The following RIC1 variants were observed in gnomAD, a reference collection of about 807,000 sequenced individuals.
The protein encoded by RIC1 is guanine nucleotide exchange factor subunit RIC1.
In RIC1, 88 loss-of-function variants were observed where a neutral mutation model predicts 169.0. That is an observed-to-expected ratio of 0.52 (90% CI 0.44 to 0.62). RIC1 has a LOEUF of 0.62. Among genes scored for constraint, RIC1 ranks in the 20% least tolerant of loss-of-function variants. The pLI is 0.00. For synonymous variants in RIC1, 790 were observed against 601.5 expected, an observed-to-expected ratio of 1.31 and a Z score of -4.59; for missense variants, 1,877 against 1,725.5, an observed-to-expected ratio of 1.09 and a Z score of -1.56.
intron 23 of RIC1, among the ~76,000 whole-genome samples, chr9:5,771,424 T>G (rs2131147864): frequency 6.6e-6 from 1 of 152,328 alleles, no homozygotes; most frequent in South Asian, 2.1e-4. Context: ...TGTGTATTCT[T>G]CTGATGATGG....
In RIC1 at chr9:5,629,171, A is replaced by C. The variant is rs1164853006; in HGVS notation, c.-139A>C. On this transcript the variant is annotated 5_prime_UTR_variant, in exon 1 of 26. Transcript: ENST00000414202. ...AGCCTTGCGTCGGCCCGGCCCGGCCAGGCCAGCGGGCAGATGCCCCGAGCT... is the reference window on the plus strand; with the variant it reads ...AGCCTTGCGTCGGCCCGGCCCGGCCCGGCCAGCGGGCAGATGCCCCGAGCT... The C allele has an allele frequency of 5.0e-6, 4 of 804,524 alleles. No individual in the cohort carries two copies. Among genetic ancestry groups the C allele is most frequent in the East Asian group, 7.5e-5 (2 of 26,754 alleles). 49.8% of individuals were successfully genotyped at this position (804,524 alleles called of 1,614,324 possible).
intron 3 of RIC1, chr9:5,713,575 C>G (rs1039675865): frequency 4.7e-6 from 1 of 211,604 alleles, no homozygotes; most frequent in Non-Finnish European, 9.5e-6. Context: ...AGAAAGGGCC[C>G]TCAGGAATTT....
intron 17 of RIC1, among the ~76,000 whole-genome samples, chr9:5,761,146 C>G (rs1286638332): frequency 9.1e-6 from 1 of 110,424 alleles, no homozygotes; most frequent in East Asian, 3.2e-4. Flanking sequence ...CGGAGTCTTG[C>G]TCTGTCACCC....
intron 6 of RIC1, among the ~76,000 whole-genome samples, chr9:5,728,535 G>A (rs1173773615): frequency 5.3e-5 from 8 of 152,196 alleles, no homozygotes; most frequent in Non-Finnish European, 8.8e-5. Flanking sequence ...CACTCCATGG[G>A]CTGCACCCAC....
At chr9:5,633,108 T>C (rs945523790) in intron 1 of RIC1, among the ~76,000 whole-genome samples, 1 of 152,200 alleles carries the variant, frequency 6.6e-6, no homozygotes, top group African/African-American at 2.4e-5. Flanking sequence ...AAATAATTAC[T>C]AGGCTTATAA....
In RIC1 at chr9:5,745,938, G is replaced by A. The variant is rs1218525239; in HGVS notation, c.1103G>A (p.Gly368Asp). 12 of 1,612,778 alleles carry A rather than the reference G, an allele frequency of 7.4e-6. No homozygotes were observed. The highest frequency in any genetic ancestry group is 9.3e-6 in the Non-Finnish European group (11 of 1,179,118). The change falls in exon 11 of 26, where the codon GGT becomes GAT. Residue 368 changes from glycine (G) to aspartate (D), a missense_variant. By Grantham distance (94) the Gly-to-Asp change is moderately conservative (BLOSUM62 -1). Coordinates refer to ENST00000414202, the MANE Select transcript of RIC1 (RefSeq NM_020829.4). ...CCTCCTCTTCTCTCTAAGAGCTGGG[G>A]TGCAGAAGGCTATCACCTATGGGTA... The part of the protein sequence containing the change: ...DPLKINSMSW[G>D]AEGYHLWVIS...
At chr9:5,719,459 A>G (rs917565668) in intron 4 of RIC1, 1 of 152,192 alleles carries the variant, frequency 6.6e-6, no homozygotes, top group Non-Finnish European at 1.5e-5. Context: ...GACGGAGAAT[A>G]TTTTATTCAT....
intron 22 of RIC1, 141 bp downstream of exon 22, chr9:5,769,397 A>G (rs1373808458): frequency 1.3e-6 from 2 of 1,580,450 alleles, no homozygotes; most frequent in African/African-American, 2.7e-5. Flanking sequence ...TTTGTACATG[A>G]GTTGGAATGC....
At chr9:5,694,397 C>A (rs1821768580) in intron 3 of RIC1, among the ~76,000 whole-genome samples, 1 of 152,162 alleles carries the variant, frequency 6.6e-6, no homozygotes, top group South Asian at 2.1e-4. Flanking sequence ...CCTTGTTCTA[C>A]ATTCAGTTTA....
chr9:5,670,953 C>G lies in RIC1; in HGVS notation c.252+14263C>G, dbSNP rs529656568. Reference sequence around the variant, plus strand: ...TCCACTTCTGAGTAGGACCACAGGACCAGGACCAGTTGGTGGGTCCACGTG... The same window carrying G: ...TCCACTTCTGAGTAGGACCACAGGAGCAGGACCAGTTGGTGGGTCCACGTG... On this transcript the variant is annotated intron_variant, in intron 2 of 25. Coordinates refer to ENST00000414202, the MANE Select transcript of RIC1 (RefSeq NM_020829.4). 2.0e-4 allele frequency among the ~76,000 whole-genome samples: 31 copies of G among 152,186 alleles called. 1 individual carries two copies. The South Asian group carries it at 6.4e-3, about 32-fold the overall frequency.
intron 6 of RIC1, 42 bp from the exon 7 acceptor site, chr9:5,732,346 G>T (rs779871735): frequency 6.9e-7 from 1 of 1,452,150 alleles, no homozygotes; most frequent in Non-Finnish European, 9.6e-7. Flanking sequence ...GGTAAATTTG[G>T]AGAAACACTT....
At chr9:5,713,614 GAGTT>G in intron 3 of RIC1, 1 of 250,742 alleles carries the variant, frequency 4.0e-6, no homozygotes, top group East Asian at 9.7e-5. Flanking sequence ...GTTCTCTTTA[GAGTT>G]AGTTCACTTT....
At chr9:5,630,246 G>A (rs940705899) in intron 1 of RIC1, among the ~76,000 whole-genome samples, 8 of 152,342 alleles carry the variant, frequency 5.3e-5, no homozygotes, top group Admixed American at 5.2e-4. Flanking sequence ...AAAGAAATAA[G>A]TGGTGGATGG....
rs767069100 is a variant in RIC1 at position 5,743,032 on chromosome 9, T to C, written c.1046+19T>C. On this transcript the variant is annotated intron_variant, in intron 9 of 25. Transcript: ENST00000414202. ...ATTTTGCGTAAGTCAAAAAAGACAATTTTTAGATAAAATAACTCCATTATT... is the reference window on the plus strand; with the variant it reads ...ATTTTGCGTAAGTCAAAAAAGACAACTTTTAGATAAAATAACTCCATTATT... 6.3e-7 allele frequency: 1 copy of C among 1,596,024 alleles called. No homozygotes were observed. The highest frequency in any genetic ancestry group is 1.1e-5 in the South Asian group (1 of 87,308).
intron 2 of RIC1, among the ~76,000 whole-genome samples, chr9:5,680,927 C>T (rs1820789970): frequency 2.1e-5 from 3 of 142,202 alleles, no homozygotes; most frequent in Non-Finnish European, 3.0e-5. Context: ...CCCGGGTTCA[C>T]GCCATTCTCC....
Position 5,775,417 on chromosome 9 carries a change from G to A in RIC1, c.*1171G>A, listed in dbSNP as rs915672521. On this transcript the variant is annotated 3_prime_UTR_variant, in exon 26 of 26. Coordinates refer to ENST00000414202, the MANE Select transcript of RIC1 (RefSeq NM_020829.4). ...TGCTTTAAACACCCATCCACTGTAT[G>A]TAATTCTAATTACCTTATAACAGTA... 2 of 152,142 alleles carry A rather than the reference G, an allele frequency of 1.3e-5. No homozygotes were observed. The highest frequency in any genetic ancestry group is 2.4e-5 in the African/African-American group (1 of 41,426). The allele number at this position is 152,142 out of a possible 1,614,324, so 9.4% of individuals were successfully genotyped here.
chr9:5,678,496 C>G (rs1027031250), intron 2 of RIC1, among the ~76,000 whole-genome samples: 3 of 151,874 alleles, frequency 2.0e-5, no homozygotes, highest in Non-Finnish European at 2.9e-5. Context: ...TCTCCACATC[C>G]TCTCCAGCAC....
At chr9:5,637,111 G>C (rs1002361133) in intron 1 of RIC1, among the ~76,000 whole-genome samples, 5 of 152,156 alleles carry the variant, frequency 3.3e-5, no homozygotes, top group African/African-American at 9.7e-5. Context: ...CCAGGTTGGA[G>C]TGCAGTGGCA....
intron 1 of RIC1, among the ~76,000 whole-genome samples, chr9:5,648,478 T>C (rs1016346203): frequency 1.3e-5 from 2 of 152,244 alleles, no homozygotes; most frequent in Non-Finnish European, 2.9e-5. Context: ...AGTGTGGCTA[T>C]GAACTTGGGG....
Sources: allele counts gnomAD v4.1 joint callset (sites outside exome capture counted in the v4.1 genomes callset), GRCh38; gene constraint gnomAD v4.1.1; transcripts MANE v1.5; gene names NCBI Gene and HGNC (gene_info 2026-07-23, HGNC 2026-07-21).